The following DAW1 variants were observed in gnomAD, a reference collection of about 807,000 sequenced individuals.
DAW1 encodes dynein assembly factor with WD repeat domains 1.
A neutral mutation model predicts 56.5 loss-of-function variants in DAW1; 47 were observed. The observed-to-expected ratio is 0.83, with a 90% confidence interval of 0.66 to 1.06. The LOEUF is 1.06. Among genes scored for constraint, DAW1 ranks in the 50% least tolerant of loss-of-function variants. The pLI is 0.00. For synonymous variants in DAW1, 190 were observed against 179.0 expected, an observed-to-expected ratio of 1.06 and a Z score of -0.49; for missense variants, 505 against 499.3, an observed-to-expected ratio of 1.01 and a Z score of -0.11.
intron 10 of DAW1, among the ~76,000 whole-genome samples, 184 bp from the exon 11 acceptor site, chr2:227,918,596 T>C (rs1322534098): frequency 2.6e-5 from 4 of 152,150 alleles, no homozygotes; most frequent in Non-Finnish European, 4.4e-5. Context: ...CCTCTCACCC[T>C]CTCCTGCAAT....
In DAW1 at chr2:227,894,013, A is replaced by G. The variant is rs1691346577; in HGVS notation, c.440+96A>G. ...GGAAGAAGACAAGAGGTCTAAATTT[A>G]TTGAGTGCTTGGTATGTGCTTTGGA... On this transcript the variant is annotated intron_variant, in intron 5 of 12. Transcript: ENST00000309931. The G allele has an allele frequency of 3.0e-6, 4 of 1,327,510 alleles. No homozygotes were observed. The African/African-American group carries it at 5.9e-5, about 20-fold the overall frequency. 82.2% of individuals were successfully genotyped at this position (1,327,510 alleles called of 1,614,324 possible). A position where few individuals can be genotyped will look rare whatever the true frequency, so the allele number is the denominator to read the frequency against.
At chr2:227,874,316 C>T (rs1427575270) in intron 1 of DAW1, among the ~76,000 whole-genome samples, 2 of 152,204 alleles carry the variant, frequency 1.3e-5, no homozygotes, top group East Asian at 3.9e-4. Context: ...CTAGACCCTT[C>T]CAGCTTCTTA....
intron 1 of DAW1, among the ~76,000 whole-genome samples, chr2:227,878,809 ATTTTT>A (rs61488173): frequency 1.1e-3 from 157 of 138,120 alleles, no homozygotes; most frequent in African/African-American, 3.4e-3. Context: ...TTTAAATTTA[ATTTTT>A]TTTTTTTTTT....
chr2:227,920,432 G>A (rs940982879), intron 11 of DAW1, among the ~76,000 whole-genome samples: 2 of 152,130 alleles, frequency 1.3e-5, no homozygotes, highest in Non-Finnish European at 2.9e-5. Flanking sequence ...GGTGATTAGA[G>A]GGGGATGTAA....
chr2:227,903,045 G>T lies in DAW1; in HGVS notation c.584G>T (p.Gly195Val). 6.2e-7 allele frequency: 1 copy of T among 1,614,154 alleles called. No individual in the cohort carries two copies. The highest frequency in any genetic ancestry group is 2.2e-5 in the East Asian group (1 of 44,888). Residue 195 changes from glycine to valine, a missense_variant, in exon 7 of 13, where the codon GGA becomes GTA. Coordinates refer to ENST00000309931, the MANE Select transcript of DAW1 (RefSeq NM_178821.3). Reference sequence around the variant, plus strand: ...CCTCAAAGCACATTGGTGGCGACTGGAAGTATGGACACAACAGCCAAATTG... The same window carrying T: ...CCTCAAAGCACATTGGTGGCGACTGTAAGTATGGACACAACAGCCAAATTG... ...FNPQSTLVAT[G>V]SMDTTAKLWD...
At chr2:227,899,578 T>G (rs1436428908) in intron 6 of DAW1, among the ~76,000 whole-genome samples, 3 of 152,182 alleles carry the variant, frequency 2.0e-5, no homozygotes, top group Non-Finnish European at 4.4e-5. Flanking sequence ...TGCTAATAAC[T>G]ATTAGTAGAT....
intron 10 of DAW1, among the ~76,000 whole-genome samples, chr2:227,911,753 C>T (rs1178662387): frequency 2.6e-5 from 4 of 152,132 alleles, no homozygotes; most frequent in African/African-American, 7.2e-5. Context: ...GCCTTGATAA[C>T]CACATGTACT....
At chr2:227,907,830 G>T (rs1475669366) in intron 10 of DAW1, among the ~76,000 whole-genome samples, 3 of 152,188 alleles carry the variant, frequency 2.0e-5, no homozygotes, top group Non-Finnish European at 4.4e-5. Context: ...TTACAGGCGT[G>T]AGCCACCGTG....
At chr2:227,885,451 A>G in intron 2 of DAW1, 28 bp downstream of exon 2, 1 of 1,554,140 alleles carries the variant, frequency 6.4e-7, no homozygotes, top group South Asian at 1.2e-5. Context: ...TTCAACAAAT[A>G]AATGTTCACT....
intron 10 of DAW1, among the ~76,000 whole-genome samples, chr2:227,911,310 A>AC (rs1559312641): frequency 8.2e-4 from 100 of 121,370 alleles, no homozygotes; most frequent in Middle Eastern, 4.4e-3. Context: ...GTGTATGTAT[A>AC]AGCATATATA....
intron 11 of DAW1, 67 bp downstream of exon 11, chr2:227,918,923 A>G: frequency 6.8e-7 from 1 of 1,460,618 alleles, no homozygotes; most frequent in Middle Eastern, 1.7e-4. Flanking sequence ...GCCCAGGTGC[A>G]GTGCCTCACA....
At chr2:227,875,713 G>A (rs1690862200) in intron 1 of DAW1, among the ~76,000 whole-genome samples, 1 of 151,934 alleles carries the variant, frequency 6.6e-6, no homozygotes, top group Non-Finnish European at 1.5e-5. Context: ...CCTTTCCCTG[G>A]TTTGTCTTTT....
At chr2:227,920,535 G>A (rs144748092) in intron 11 of DAW1, among the ~76,000 whole-genome samples, 1 of 152,200 alleles carries the variant, frequency 6.6e-6, no homozygotes, top group African/African-American at 2.4e-5. Context: ...AGGCACAGAA[G>A]CGTATTTATG....
chr2:227,895,822 G>A (rs1157729423), intron 5 of DAW1, among the ~76,000 whole-genome samples: 1 of 152,180 alleles, frequency 6.6e-6, no homozygotes, highest in Non-Finnish European at 1.5e-5. Flanking sequence ...GGATAGCTCT[G>A]GCAGACAGAA....
intron 8 of DAW1, among the ~76,000 whole-genome samples, chr2:227,905,300 A>G (rs994900930): frequency 2.0e-5 from 3 of 152,206 alleles, no homozygotes; most frequent in Non-Finnish European, 2.9e-5. Flanking sequence ...GCTATTATTT[A>G]TTTCATGGAT....
At chr2:227,890,927 G>C (rs1691247136) in intron 3 of DAW1, among the ~76,000 whole-genome samples, 1 of 152,210 alleles carries the variant, frequency 6.6e-6, no homozygotes, top group Non-Finnish European at 1.5e-5. Context: ...GGGATTGAAA[G>C]ATAAGGAAGA....
chr2:227,881,156 G>A (rs775493513), intron 1 of DAW1, among the ~76,000 whole-genome samples: 78 of 152,228 alleles, frequency 5.1e-4, no homozygotes, highest in Non-Finnish European at 9.3e-4. Context: ...GAAAGGCCAC[G>A]TGCTGTAAGG....
intron 2 of DAW1, among the ~76,000 whole-genome samples, chr2:227,887,242 C>T (rs183950382): frequency 7.2e-5 from 11 of 152,280 alleles, no homozygotes; most frequent in Admixed American, 5.2e-4. Context: ...TCATTGAATA[C>T]AACAATCTTT....
At chr2:227,921,598 T>C in intron 12 of DAW1, 37 bp downstream of exon 12, 2 of 1,584,280 alleles carry the variant, frequency 1.3e-6, no homozygotes, top group Non-Finnish European at 8.6e-7. Context: ...TCATTTTTTC[T>C]TGATTGGCTG....
Sources: allele counts gnomAD v4.1 joint callset (sites outside exome capture counted in the v4.1 genomes callset), GRCh38; gene constraint gnomAD v4.1.1; transcripts MANE v1.5; gene names NCBI Gene and HGNC (gene_info 2026-07-23, HGNC 2026-07-21).